Variants in DYNC2H1 observed in about 807,000 individuals in gnomAD.
DYNC2H1 encodes the protein cytoplasmic dynein 2 heavy chain 1.
In DYNC2H1, 410 loss-of-function variants were observed where a neutral mutation model predicts 570.0. The ratio of observed to expected loss-of-function variants is 0.72; its 90% CI spans 0.66 to 0.78. DYNC2H1 has a LOEUF of 0.78. Among genes scored for constraint, DYNC2H1 ranks in the 30% least tolerant of loss-of-function variants. The probability of loss-of-function intolerance (pLI) is 0.00; values close to 1 mark genes in which losing one functional copy is unlikely to be tolerated. For synonymous variants in DYNC2H1, 1,688 were observed against 1,677.6 expected (o/e 1.01, Z -0.15); for missense variants, 4,865 against 5,046.4 (o/e 0.96, Z 1.09).
At chr11:103,322,752 T>G (rs545046444) in intron 81 of DYNC2H1, among the ~76,000 whole-genome samples, 1 of 152,272 alleles carries the variant, frequency 6.6e-6, no homozygotes, top group African/African-American at 2.4e-5. Context: ...ATTTTTAAAT[T>G]TATAGGATGA....
chr11:103,230,396 A>G (rs1863960016), intron 59 of DYNC2H1, among the ~76,000 whole-genome samples: 1 of 152,068 alleles, frequency 6.6e-6, no homozygotes, highest in Admixed American at 6.6e-5. Flanking sequence ...GGGTATTTTG[A>G]GAGGATAAGG....
Position 103,170,462 on chromosome 11 carries a change from A to C in DYNC2H1, c.5151+172A>C, listed in dbSNP as rs1262912413. 2.0e-5 allele frequency among the ~76,000 whole-genome samples: 3 copies of C among 152,206 alleles called. No individual in the cohort carries two copies. Among genetic ancestry groups the C allele is most frequent in the Non-Finnish European group, 2.9e-5 (2 of 68,036 alleles). On this transcript the variant is annotated intron_variant, in intron 33 of 88. Coordinates refer to ENST00000375735, the MANE Select transcript of DYNC2H1 (RefSeq NM_001377.3). This position sits in a 1 kb window ranked among gnomAD's most constrained non-coding sequence, Gnocchi z 4.8. ...CAGAGGTTGTACGTAGTATAGTCCA[A>C]AACTTTTCTAAGAATTATGGCAAAG...
intron 77 of DYNC2H1, among the ~76,000 whole-genome samples, chr11:103,304,992 C>T (rs1565480271): frequency 1.3e-5 from 2 of 151,984 alleles, no homozygotes; most frequent in East Asian, 3.9e-4. Flanking sequence ...ATATTTATAC[C>T]ATGAGTTTCT....
chr11:103,172,829 A>G (rs1465954467), intron 34 of DYNC2H1, among the ~76,000 whole-genome samples: 1 of 152,038 alleles, frequency 6.6e-6, no homozygotes, highest in East Asian at 1.9e-4. Flanking sequence ...GCCTCAAAAA[A>G]CTGATTGTAA....
At chr11:103,389,338 G>A (rs375811580) in intron 83 of DYNC2H1, among the ~76,000 whole-genome samples, 18 of 152,086 alleles carry the variant, frequency 1.2e-4, no homozygotes, top group Admixed American at 2.6e-4. Flanking sequence ...CTGTGGGATC[G>A]GTGGTGATAC....
chr11:103,387,911 T>C (rs12287730), intron 83 of DYNC2H1, among the ~76,000 whole-genome samples: 5,361 of 152,264 alleles, frequency 0.035, 307 homozygotes, highest in African/African-American at 0.12. Flanking sequence ...TGTAGCCTTG[T>C]AGTATAGTTT....
At position 103,120,983 on chromosome 11, in the gene DYNC2H1, A is replaced by G; in HGVS notation, c.1307A>G (p.Glu436Gly). Residue 436 changes from glutamate to glycine, a missense_variant, in exon 9 of 89, where the codon GAA becomes GGA. This residue lies in a region of DYNC2H1 where 1,936 missense variants were observed against 1,962.1 expected (regional missense o/e 0.99). Coordinates refer to ENST00000375735, the MANE Select transcript of DYNC2H1 (RefSeq NM_001377.3). Reference protein sequence around the residue: ...ELVKRPTISKELMLERETLLA... With the variant: ...ELVKRPTISKGLMLERETLLA... ...GTAAAGCGTCCAACTATAAGCAAAG[A>G]ATTGATGTTAGAAAGAGAAACTTTA... is the stretch of plus-strand genomic sequence containing the variant. 6.3e-7 allele frequency: 1 copy of G among 1,590,492 alleles called. No individual in the cohort carries two copies. Among genetic ancestry groups the G allele is most frequent in the Non-Finnish European group, 8.6e-7 (1 of 1,169,382 alleles).
intron 84 of DYNC2H1, among the ~76,000 whole-genome samples, chr11:103,423,250 A>T (rs568366037): frequency 1.3e-5 from 1 of 76,752 alleles, no homozygotes; most frequent in Non-Finnish European, 3.0e-5. Context: ...GAATGGAAGG[A>T]ATCAGTGGAG....
chr11:103,303,777 G>A (rs1454560954), intron 76 of DYNC2H1, among the ~76,000 whole-genome samples: 1 of 152,122 alleles, frequency 6.6e-6, no homozygotes, highest in South Asian at 2.1e-4. Flanking sequence ...CTGGCCGCCA[G>A]AAGTCTGATG....
chr11:103,210,157 GA>G (rs1362173590), intron 53 of DYNC2H1, among the ~76,000 whole-genome samples, 197 bp downstream of exon 53: 1 of 151,792 alleles, frequency 6.6e-6, no homozygotes, highest in Non-Finnish European at 1.5e-5. Context: ...ATTTAACCTA[GA>G]ACCCAACAGA....
Position 103,223,078 on chromosome 11 carries a change from A to T in DYNC2H1, c.9345A>T (p.Gly3115=), listed in dbSNP as rs532543994. The change falls in exon 59 of 89, where the codon GGA becomes GGT. Residue 3115 remains glycine, a synonymous_variant. Transcript: ENST00000375735. ...RIHPLETEQA[G]LESNLKKTED... The stretch of plus-strand genomic sequence containing the variant: ...ATCCTTTGGAAACTGAACAGGCAGG[A>T]TTAGAATCGTAAGTGAAATATAAAA... The T allele has an allele frequency of 1.2e-6, 2 of 1,610,264 alleles. No individual in the cohort carries two copies. The highest frequency in any genetic ancestry group is 2.2e-5 in the South Asian group (2 of 90,502).
intron 84 of DYNC2H1, among the ~76,000 whole-genome samples, chr11:103,433,486 G>A (rs1943965011): frequency 6.6e-6 from 1 of 152,126 alleles, no homozygotes; most frequent in Admixed American, 6.6e-5. Flanking sequence ...TCCAAGTGTG[G>A]TTTAGCTGAG....
intron 83 of DYNC2H1, among the ~76,000 whole-genome samples, chr11:103,392,550 C>G (rs1366101577): frequency 2.6e-5 from 4 of 152,212 alleles, no homozygotes; most frequent in African/African-American, 9.6e-5. Context: ...GCTGGAAATG[C>G]AGAAATCTTT....
chr11:103,308,212 A>G (rs1479793688), intron 78 of DYNC2H1, among the ~76,000 whole-genome samples: 1 of 152,078 alleles, frequency 6.6e-6, no homozygotes, highest in African/African-American at 2.4e-5. Context: ...GGCAACCACC[A>G]TTTTACTTTC....
In DYNC2H1 at chr11:103,133,521, T is replaced by G. The variant is rs748889656; in HGVS notation, c.1954-34T>G. ...TGAAACTTTTGGAAAAAAGAAATAC[T>G]TATACATACTAAAGGTTATTTATTG... is the stretch of plus-strand genomic sequence containing the variant. On this transcript the variant is annotated intron_variant, in intron 13 of 88. Transcript: ENST00000375735. This position sits in a 1 kb window ranked among gnomAD's most constrained non-coding sequence, Gnocchi z 4.8. 6.4e-7 allele frequency: 1 copy of G among 1,567,780 alleles called. No homozygotes were observed. Among genetic ancestry groups the G allele is most frequent in the Admixed American group, 2.1e-5 (1 of 47,020 alleles).
At chr11:103,425,224 C>T (rs1018866066) in intron 84 of DYNC2H1, among the ~76,000 whole-genome samples, 26 of 152,170 alleles carry the variant, frequency 1.7e-4, no homozygotes, top group African/African-American at 6.3e-4. Context: ...CAGGTGGCGC[C>T]ACCTGGCCCA....
intron 84 of DYNC2H1, chr11:103,404,159 A>G (rs529000855): frequency 1.3e-4 from 20 of 152,102 alleles, no homozygotes; most frequent in African/African-American, 4.1e-4. Flanking sequence ...ACTGAACTGC[A>G]TGAGCCATTA....
intron 81 of DYNC2H1, 37 bp downstream of exon 81, chr11:103,321,274 T>A (rs1277895046): frequency 6.6e-7 from 1 of 1,519,804 alleles, no homozygotes; most frequent in Non-Finnish European, 9.0e-7. Context: ...TATTTCCAGG[T>A]AGATACGTGA....
chr11:103,234,697 C>A (rs954231757), intron 61 of DYNC2H1, among the ~76,000 whole-genome samples: 2 of 151,854 alleles, frequency 1.3e-5, no homozygotes, highest in Non-Finnish European at 2.9e-5. Context: ...GTTATCTCAT[C>A]CCTTCATAAT....
Sources: gnomAD v4.1 joint callset for allele counts (sites outside exome capture counted in the v4.1 genomes callset) on GRCh38, gnomAD v4.1.1 for gene constraint, gnomAD v4.1.1 regional missense constraint, Gnocchi (gnomAD v3.1) non-coding constraint, MANE v1.5 for transcripts, NCBI Gene and HGNC (gene_info 2026-07-23, HGNC 2026-07-21) for gene names.